Variants in CDH13 observed in about 807,000 individuals in gnomAD.
CDH13 encodes the protein cadherin-13.
Under a neutral mutation model 63.8 loss-of-function variants are expected in CDH13, and 24 were observed. The observed-to-expected ratio is 0.38, with a 90% CI of 0.27 to 0.53. CDH13 has a LOEUF of 0.53. CDH13 is among the 20% of genes least tolerant of loss of function. The pLI is 0.85. For synonymous variants in CDH13, 503 were observed against 355.3 expected (o/e 1.42, Z -4.67); for missense variants, 1,049 against 903.1 (o/e 1.16, Z -2.07).
intron 7 of CDH13, among the ~76,000 whole-genome samples, chr16:83,510,117 C>G (rs929652351): frequency 6.6e-6 from 1 of 152,132 alleles, no homozygotes; most frequent in African/African-American, 2.4e-5. Context: ...AGTCTGACGG[C>G]TTTTTCTCCT....
chr16:83,280,398 T>C (rs1250040790), intron 5 of CDH13, among the ~76,000 whole-genome samples: 1 of 152,244 alleles, frequency 6.6e-6, no homozygotes, highest in African/African-American at 2.4e-5. Flanking sequence ...TATGATGAGA[T>C]GGCAGGAATT....
At chr16:82,786,182 G>T (rs1026278999) in intron 1 of CDH13, among the ~76,000 whole-genome samples, 18 of 152,298 alleles carry the variant, frequency 1.2e-4, no homozygotes, top group African/African-American at 3.4e-4. Flanking sequence ...GCTTTACGAG[G>T]AAGTTAAGTT....
intron 6 of CDH13, among the ~76,000 whole-genome samples, chr16:83,391,882 G>A (rs553178702): frequency 3.9e-5 from 6 of 152,296 alleles, no homozygotes; most frequent in South Asian, 2.1e-4. Flanking sequence ...TGGGGTTTGA[G>A]TGTAAAATCG....
intron 3 of CDH13, among the ~76,000 whole-genome samples, chr16:83,095,758 A>T (rs1263262693): frequency 6.6e-6 from 1 of 152,162 alleles, no homozygotes; most frequent in Non-Finnish European, 1.5e-5. Flanking sequence ...GTTTTTAATG[A>T]GCAGTATGTT....
intron 12 of CDH13, among the ~76,000 whole-genome samples, chr16:83,781,381 TTG>T (rs1915511761): frequency 6.6e-6 from 1 of 152,260 alleles, no homozygotes; most frequent in African/African-American, 2.4e-5. Context: ...TATCCTGCTG[TTG>T]ACCCCGTCAG....
intron 1 of CDH13, among the ~76,000 whole-genome samples, chr16:82,716,351 G>C (rs534583340): frequency 2.0e-5 from 3 of 152,186 alleles, no homozygotes; most frequent in African/African-American, 7.2e-5. Context: ...TTTGCAGAGA[G>C]AGAGAGACAA....
chr16:83,102,620 C>A (rs577922162), intron 3 of CDH13, among the ~76,000 whole-genome samples: 1 of 152,206 alleles, frequency 6.6e-6, no homozygotes, highest in East Asian at 1.9e-4. Context: ...ACCCAGTTCA[C>A]GTTTCAACAG....
chr16:82,645,261 C>A (rs187347598), intron 1 of CDH13, among the ~76,000 whole-genome samples: 1 of 152,182 alleles, frequency 6.6e-6, no homozygotes, highest in Non-Finnish European at 1.5e-5. Flanking sequence ...CCTCTGGGGG[C>A]AGGCTCAGAA....
At chr16:83,313,038 C>G (rs936254009) in intron 5 of CDH13, among the ~76,000 whole-genome samples, 10 of 152,310 alleles carry the variant, frequency 6.6e-5, no homozygotes, top group East Asian at 5.8e-4. Flanking sequence ...GGAATCAGCA[C>G]CCACTCAGCT....
rs567928324 is a variant in CDH13 at position 83,026,575 on chromosome 16, T to C, written c.158-5435T>C. The stretch of plus-strand genomic sequence containing the variant: ...AACAGATATAAGTATATCTGTGATA[T>C]TAAAATTTTACAGGAATAGTGGCAA... On this transcript the variant is annotated intron_variant, in intron 2 of 13. Coordinates refer to ENST00000567109, the MANE Select transcript of CDH13 (RefSeq NM_001257.5). Among the ~76,000 whole-genome samples, 5 of 152,266 alleles carry C rather than the reference T, an allele frequency of 3.3e-5. No homozygotes were observed. The Middle Eastern group carries it at 0.01, about 311-fold the overall frequency.
intron 4 of CDH13, among the ~76,000 whole-genome samples, chr16:83,192,691 C>G (rs575533744): frequency 6.6e-6 from 1 of 152,068 alleles, no homozygotes; most frequent in Non-Finnish European, 1.5e-5. Flanking sequence ...TGTTTGCGTG[C>G]TGTATCACCA....
intron 1 of CDH13, among the ~76,000 whole-genome samples, chr16:82,728,371 C>T (rs190451099): frequency 6.6e-6 from 1 of 152,160 alleles, no homozygotes; most frequent in African/African-American, 2.4e-5. Context: ...GGTACAGGCA[C>T]ACCTCAGAGA....
At chr16:83,513,197 C>T (rs1015912679) in intron 7 of CDH13, among the ~76,000 whole-genome samples, 2 of 152,046 alleles carry the variant, frequency 1.3e-5, no homozygotes, top group Non-Finnish European at 1.5e-5. Flanking sequence ...TTTTTCCAAG[C>T]TTCAAAGCAT....
intron 1 of CDH13, among the ~76,000 whole-genome samples, chr16:82,712,330 C>T (rs117119269): frequency 0.01 from 1,591 of 152,212 alleles, 17 homozygotes; most frequent in Non-Finnish European, 0.016. Context: ...GAAGCACAAA[C>T]CTCCACAAAG....
At chr16:83,166,976 T>C (rs1171127377) in intron 4 of CDH13, among the ~76,000 whole-genome samples, 1 of 152,170 alleles carries the variant, frequency 6.6e-6, no homozygotes, top group Non-Finnish European at 1.5e-5. Flanking sequence ...TTGGATTTTA[T>C]ATGTGAAAAT....
intron 1 of CDH13, among the ~76,000 whole-genome samples, chr16:82,781,918 C>G (rs751080474): frequency 2.2e-4 from 34 of 152,172 alleles, no homozygotes; most frequent in Non-Finnish European, 4.1e-4. Flanking sequence ...GCTGTGGGAA[C>G]TCTAAAGAAA....
chr16:83,651,821 C>T (rs1265176120), intron 8 of CDH13, among the ~76,000 whole-genome samples: 1 of 152,244 alleles, frequency 6.6e-6, no homozygotes, highest in East Asian at 1.9e-4. Context: ...TCTCAGACTC[C>T]TGACCTCAGG....
At chr16:83,675,533 T>C (rs1186307224) in intron 9 of CDH13, among the ~76,000 whole-genome samples, 1 of 152,190 alleles carries the variant, frequency 6.6e-6, no homozygotes, top group Non-Finnish European at 1.5e-5. Flanking sequence ...CAGCTCTTGC[T>C]TCCCCACTCT....
In CDH13 at chr16:82,636,630, G is replaced by C. The variant is rs533701249; in HGVS notation, c.45+9493G>C. On this transcript the variant is annotated intron_variant, in intron 1 of 13. Coordinates refer to ENST00000567109, the MANE Select transcript of CDH13 (RefSeq NM_001257.5). Reference sequence around the variant, plus strand: ...TGCTAACAAGCCTCTGCTTCAGCATGTTGGGTGTAGCCTTGGTGACTTCTG... The same window carrying C: ...TGCTAACAAGCCTCTGCTTCAGCATCTTGGGTGTAGCCTTGGTGACTTCTG... Among the ~76,000 whole-genome samples the C allele has an allele frequency of 1.7e-4, 26 of 152,334 alleles. 1 individual carries two copies. The South Asian group carries it at 5.4e-3, about 32-fold the overall frequency.
Sources: gnomAD v4.1 joint callset for allele counts (sites outside exome capture counted in the v4.1 genomes callset) on GRCh38, gnomAD v4.1.1 for gene constraint, MANE v1.5 for transcripts, NCBI Gene and HGNC (gene_info 2026-07-23, HGNC 2026-07-21) for gene names.